Variants in CCM2 observed in about 807,000 individuals in gnomAD.
The protein encoded by CCM2 is cerebral cavernous malformations 2 protein.
CCM2 carries 25 observed loss-of-function variants against 44.9 expected under a neutral mutation model. The ratio of observed to expected loss-of-function variants is 0.56; its 90% CI spans 0.41 to 0.78. CCM2 has a LOEUF of 0.78. Ranked by LOEUF, CCM2 falls within the 30% of genes least tolerant of loss-of-function variation. CCM2 has a pLI of 0.00. For missense variants in CCM2, 481 were observed against 580.6 expected (o/e 0.83, Z 1.76); for synonymous variants, 219 against 241.1 (o/e 0.91, Z 0.85).
intron 4 of CCM2, among the ~76,000 whole-genome samples, chr7:45,066,969 C>T (rs1226086559): frequency 1.3e-5 from 2 of 149,936 alleles, no homozygotes; most frequent in African/African-American, 4.9e-5. Context: ...GCCGTGATCT[C>T]AGCTCACTGC....
rs1209552495 is a variant in CCM2 at position 45,065,084 on chromosome 7, C to A, written c.472+438C>A. ...ACAGAAAAGATGAGACCCAGACCTCCCAGGAGCTCTTGGTCATAGAGGTTA... is the reference window on the plus strand; with the variant it reads ...ACAGAAAAGATGAGACCCAGACCTCACAGGAGCTCTTGGTCATAGAGGTTA... On this transcript the variant is annotated intron_variant, in intron 4 of 9. Coordinates refer to ENST00000258781, the MANE Select transcript of CCM2 (RefSeq NM_031443.4). Among the ~76,000 whole-genome samples the A allele has an allele frequency of 6.6e-5, 10 of 152,200 alleles. No individual in the cohort carries two copies. In the East Asian group the frequency reaches 1.9e-3, roughly 29 times the overall value.
chr7:45,055,674 C>T (rs1168422201), intron 2 of CCM2, among the ~76,000 whole-genome samples: 2 of 152,042 alleles, frequency 1.3e-5, no homozygotes, highest in African/African-American at 2.4e-5. Context: ...GGTGACAGAG[C>T]GAGACTCCAT....
At chr7:45,023,799 T>TGG (rs1796577848) in intron 1 of CCM2, among the ~76,000 whole-genome samples, 1 of 81,726 alleles carries the variant, frequency 1.2e-5, no homozygotes, top group Admixed American at 1.5e-4. Context: ...TTTTTTTTTT[T>TGG]TTTTTTTTTT....
intron 6 of CCM2, chr7:45,070,499 T>G (rs930291701): frequency 2.2e-6 from 1 of 455,904 alleles, no homozygotes; most frequent in Non-Finnish European, 4.4e-6. Flanking sequence ...AGCTGTCTCT[T>G]CCTGCATGGC....
intron 4 of CCM2, among the ~76,000 whole-genome samples, chr7:45,065,865 A>T (rs1208053852): frequency 1.3e-5 from 2 of 152,116 alleles, no homozygotes; most frequent in African/African-American, 4.8e-5. Flanking sequence ...ATACTATCCG[A>T]CACCATGGTG....
chr7:45,074,850 C>T (rs1273743116), intron 9 of CCM2, among the ~76,000 whole-genome samples: 1 of 152,204 alleles, frequency 6.6e-6, no homozygotes, highest in Non-Finnish European at 1.5e-5. Flanking sequence ...CACATTAGGT[C>T]AGTGCGGCTA....
At chr7:45,005,136 C>T (rs138086369) in intron 1 of CCM2, among the ~76,000 whole-genome samples, 48 of 152,102 alleles carry the variant, frequency 3.2e-4, no homozygotes, top group Admixed American at 1.4e-3. Flanking sequence ...TGCAGTGATT[C>T]TTGGATGGCA....
chr7:45,035,705 G>T (rs1280295058), intron 1 of CCM2, among the ~76,000 whole-genome samples: 5 of 152,106 alleles, frequency 3.3e-5, no homozygotes, highest in African/African-American at 1.2e-4. Flanking sequence ...TTTAAGCCTG[G>T]GTCACAGGTG....
intron 1 of CCM2, among the ~76,000 whole-genome samples, chr7:45,037,692 A>G (rs530762814): frequency 8.5e-5 from 13 of 152,132 alleles, no homozygotes; most frequent in Admixed American, 2.0e-4. Flanking sequence ...TGCTGGGATT[A>G]CAGGTGTGAG....
At chr7:45,014,647 AG>A (rs1796193268) in intron 1 of CCM2, among the ~76,000 whole-genome samples, 2 of 89,172 alleles carry the variant, frequency 2.2e-5, no homozygotes, top group South Asian at 6.8e-4. Context: ...TTTGAGATGG[AG>A]TCTTGCTTTA....
intron 1 of CCM2, among the ~76,000 whole-genome samples, chr7:45,037,512 G>C (rs1797282624): frequency 6.7e-6 from 1 of 148,246 alleles, no homozygotes; most frequent in African/African-American, 2.5e-5. Flanking sequence ...CCGCCTCCTG[G>C]GTTCAAGCAA....
chr7:45,024,541 G>C (rs143848935), intron 1 of CCM2, among the ~76,000 whole-genome samples: 103 of 152,230 alleles, frequency 6.8e-4, no homozygotes, highest in African/African-American at 2.1e-3. Context: ...GATGATCCTC[G>C]TTTTGCTGGG....
At position 45,000,292 on chromosome 7, in the gene CCM2, CCGGGGCGGGCCGGGCGGGCCG is replaced by C; in HGVS notation, c.-37_-17del. Reference sequence around the variant, plus strand: ...GTAGCGGCTGCTGGCGGCGGGGCTCCCGGGGCGGGCCGGGCGGGCCGCGGGAGCCGCACGCGGCGATATGGA... The same window carrying C: ...GTAGCGGCTGCTGGCGGCGGGGCTCCCGGGAGCCGCACGCGGCGATATGGA... On this transcript the variant is annotated 5_prime_UTR_variant, in exon 1 of 10. Coordinates refer to ENST00000258781, the MANE Select transcript of CCM2 (RefSeq NM_031443.4). 3 of 1,219,868 alleles carry C rather than the reference CCGGGGCGGGCCGGGCGGGCCG, an allele frequency of 2.5e-6. No homozygotes were observed. Among genetic ancestry groups the C allele is most frequent in the South Asian group, 3.8e-5 (1 of 25,996 alleles). 75.6% of individuals were successfully genotyped at this position (1,219,868 alleles called of 1,614,324 possible).
chr7:45,002,432 G>A lies in CCM2; in HGVS notation c.30+2069G>A, dbSNP rs189194253. Among the ~76,000 whole-genome samples, 148 of 152,118 alleles carry A rather than the reference G, an allele frequency of 9.7e-4. 2 individuals are homozygous for A. Among genetic ancestry groups the A allele is most frequent in the African/African-American group, 3.4e-3 (142 of 41,520 alleles). ...AAAAATACAGAAATTAGCCAGGCGC[G>A]GCAGCGCTCGCCTATAGTCTCAGCT... On this transcript the variant is annotated intron_variant, in intron 1 of 9. Transcript: ENST00000258781.
chr7:44,999,890 G>A (rs1330343243), upstream of CCM2: 1 of 353,700 alleles, frequency 2.8e-6, no homozygotes, highest in East Asian at 1.1e-4. Context: ...AAGCGAAGTA[G>A]GGGTAGGAGC....
chr7:45,051,105 T>C (rs55928218), intron 2 of CCM2, among the ~76,000 whole-genome samples: 20,270 of 152,112 alleles, frequency 0.13, 1,651 homozygotes, highest in Middle Eastern at 0.23. Flanking sequence ...ACCCTGCACT[T>C]CCTCATCCAC....
chr7:45,010,729 G>A (rs894805772), intron 1 of CCM2, among the ~76,000 whole-genome samples: 7 of 151,756 alleles, frequency 4.6e-5, no homozygotes, highest in African/African-American at 1.7e-4. Context: ...TCCTGAGTAG[G>A]TGGGATTATA....
chr7:45,006,251 G>A (rs540587365), intron 1 of CCM2, among the ~76,000 whole-genome samples: 1 of 152,180 alleles, frequency 6.6e-6, no homozygotes, highest in African/African-American at 2.4e-5. Flanking sequence ...GCCTGTGTGG[G>A]CCGAATAGTG....
At chr7:45,060,423 G>A (rs1798466764) in intron 2 of CCM2, among the ~76,000 whole-genome samples, 1 of 152,188 alleles carries the variant, frequency 6.6e-6, no homozygotes, top group South Asian at 2.1e-4. Flanking sequence ...TTGCCTCAGT[G>A]TAAATTACCT....
Sources: gnomAD v4.1 joint callset for allele counts (sites outside exome capture counted in the v4.1 genomes callset) on GRCh38, gnomAD v4.1.1 for gene constraint, MANE v1.5 for transcripts, NCBI Gene and HGNC (gene_info 2026-07-23, HGNC 2026-07-21) for gene names.